CHN1: variants seen among roughly 807,000 people sequenced by gnomAD.
CHN1 encodes the protein N-chimaerin.
CHN1 carries 37 observed loss-of-function variants against 59.5 expected under a neutral mutation model. That is an observed-to-expected ratio of 0.62 (90% CI 0.48 to 0.82). The LOEUF is 0.82. CHN1 is among the 40% of genes least tolerant of loss of function. The pLI, the probability that CHN1 is intolerant of heterozygous loss-of-function variation, is 0.00. For missense variants in CHN1, 469 were observed against 571.0 expected, an observed-to-expected ratio of 0.82 and a Z score of 1.82; for synonymous variants, 206 against 200.4, an observed-to-expected ratio of 1.03 and a Z score of -0.24.
intron 7 of CHN1, among the ~76,000 whole-genome samples, chr2:174,825,969 A>G (rs1441162682): frequency 6.6e-6 from 1 of 152,262 alleles, no homozygotes; most frequent in Non-Finnish European, 1.5e-5. Flanking sequence ...ATAAGAATCA[A>G]TGAAACAGAA....
chr2:174,915,136 T>A lies in CHN1; in HGVS notation c.182A>T (p.Gln61Leu). Reference protein sequence around the residue: ...HGMISREAADQLLIVAEGSYL... With the variant: ...HGMISREAADLLLIVAEGSYL... ...GCTCCCCTCAGCCACAATCAAGAGC[T>A]GGTCGGCTGCTTCTCTGGAGATCAT... Residue 61 changes from glutamine (Q) to leucine (L), a missense_variant, in exon 5 of 13, where the codon CAG becomes CTG. Coordinates refer to ENST00000409900, the MANE Select transcript of CHN1 (RefSeq NM_001822.7). The A allele has an allele frequency of 1.2e-6, 2 of 1,611,956 alleles. No individual in the cohort carries two copies. The highest frequency in any genetic ancestry group is 1.1e-5 in the South Asian group (1 of 90,250).
intron 8 of CHN1, among the ~76,000 whole-genome samples, chr2:174,819,668 A>T (rs1004202834): frequency 1.1e-4 from 16 of 147,358 alleles, no homozygotes; most frequent in African/African-American, 3.8e-4. Context: ...TGATTTTTTT[A>T]TTATTATTAT....
At chr2:174,852,611 C>G (rs1322016660) in intron 6 of CHN1, among the ~76,000 whole-genome samples, 1 of 152,122 alleles carries the variant, frequency 6.6e-6, no homozygotes, top group Non-Finnish European at 1.5e-5. Context: ...AAAAAAGAGC[C>G]TGGCTAGACA....
chr2:174,883,855 G>T (rs1386077022), intron 5 of CHN1, among the ~76,000 whole-genome samples: 1 of 148,602 alleles, frequency 6.7e-6, no homozygotes, highest in Non-Finnish European at 1.5e-5. Context: ...TAGCATAAAT[G>T]AAAGTTTTTT....
chr2:174,956,026 CTAAAA>C (rs1221151178), intron 1 of CHN1, among the ~76,000 whole-genome samples: 6 of 152,010 alleles, frequency 3.9e-5, no homozygotes, highest in Non-Finnish European at 4.4e-5. Flanking sequence ...ATCCCCATAT[CTAAAA>C]TAAAAGTTGA....
chr2:174,890,737 T>C (rs954763481), intron 5 of CHN1, among the ~76,000 whole-genome samples: 6 of 152,000 alleles, frequency 3.9e-5, no homozygotes, highest in Non-Finnish European at 7.4e-5. Flanking sequence ...CTGAACCTAA[T>C]AGGCACATAC....
chr2:174,800,172 G>T lies in CHN1; in HGVS notation c.1324C>A (p.Arg442=). ...LDAMAALNDI[R]YQRLVVELLI... is the part of the protein sequence containing the mutation. The stretch of plus-strand genomic sequence containing the variant: ...AGCTCCACCACCAGTCTCTGATACC[G>T]TATATCATTCAATGCAGCCATGGCG... The change falls in exon 13 of 13, where the codon CGG becomes AGG. Residue 442 remains arginine (R), a synonymous_variant. Coordinates refer to ENST00000409900, the MANE Select transcript of CHN1 (RefSeq NM_001822.7). 1 of 1,542,496 alleles carries T rather than the reference G, an allele frequency of 6.5e-7. No individual in the cohort carries two copies. Among genetic ancestry groups the T allele is most frequent in the Non-Finnish European group, 8.7e-7 (1 of 1,149,878 alleles).
chr2:174,873,600 T>C (rs926509742), intron 6 of CHN1, among the ~76,000 whole-genome samples: 1 of 152,228 alleles, frequency 6.6e-6, no homozygotes, highest in African/African-American at 2.4e-5. Context: ...CCCCTTTTGC[T>C]ATTCCAGGGA....
chr2:174,923,357 G>T (rs904883885), intron 3 of CHN1, among the ~76,000 whole-genome samples: 20 of 152,056 alleles, frequency 1.3e-4, no homozygotes, highest in Middle Eastern at 3.2e-3. Flanking sequence ...AGCCAGGATG[G>T]TCTCCATCTC....
chr2:174,800,064 A>ATAAAACATTCCTTCATCTG lies in CHN1; in HGVS notation c.*33_*51dup, dbSNP rs1240043181. 6.8e-7 allele frequency: 1 copy of ATAAAACATTCCTTCATCTG among 1,477,854 alleles called. No individual in the cohort carries two copies. Among genetic ancestry groups the ATAAAACATTCCTTCATCTG allele is most frequent in the African/African-American group, 1.4e-5 (1 of 71,650 alleles). 91.5% of individuals were successfully genotyped at this position (1,477,854 alleles called of 1,614,324 possible). On this transcript the variant is annotated 3_prime_UTR_variant, in exon 13 of 13. Coordinates refer to ENST00000409900, the MANE Select transcript of CHN1 (RefSeq NM_001822.7). ...AGCTACAGGAGCAAATTAAATTACT[A>ATAAAACATTCCTTCATCTG]TAAAACATTCCTTCATCTGTAAAAC...
chr2:174,921,082 T>C (rs1689003866), intron 3 of CHN1: 3 of 383,854 alleles, frequency 7.8e-6, no homozygotes, highest in East Asian at 7.4e-5. Context: ...ATGTGGGCAA[T>C]GGGGAGCGGC....
intron 9 of CHN1, 34 bp downstream of exon 9, chr2:174,812,275 G>T: frequency 2.5e-6 from 4 of 1,575,856 alleles, no homozygotes; most frequent in Non-Finnish European, 3.5e-6. Flanking sequence ...GTAGTGAACG[G>T]AGACCACTGC....
intron 6 of CHN1, among the ~76,000 whole-genome samples, chr2:174,867,566 G>T (rs1687264011): frequency 6.6e-6 from 1 of 151,852 alleles, no homozygotes; most frequent in African/African-American, 2.4e-5. Flanking sequence ...TTTGTATTCT[G>T]GGTGTGAATG....
At chr2:174,881,370 G>A (rs1430894840) in intron 5 of CHN1, among the ~76,000 whole-genome samples, 1 of 152,060 alleles carries the variant, frequency 6.6e-6, no homozygotes, top group Non-Finnish European at 1.5e-5. Context: ...CTTAGGCTTT[G>A]GCATCAGACA....
At chr2:174,816,121 A>T (rs1230004760) in intron 8 of CHN1, among the ~76,000 whole-genome samples, 1 of 134,672 alleles carries the variant, frequency 7.4e-6, no homozygotes, top group East Asian at 2.1e-4. Flanking sequence ...CATAGATGAT[A>T]GAGTTCTCAC....
rs772250205 is a variant in CHN1 at position 174,878,019 on chromosome 2, G to C, written c.370C>G (p.Leu124Val). The change falls in exon 6 of 13, where the codon CTC (leucine) becomes GTC (valine). Residue 124 changes from leucine to valine, a missense_variant. Transcript: ENST00000409900. The stretch of plus-strand genomic sequence containing the variant: ...TCTGCTGCCTTGGTTTCAATATAGA[G>C]AGTAATCAAGCCATCAGTCACCAGA... Reference protein sequence around the residue: ...HDLVTDGLITLYIETKAAEYI... With the variant: ...HDLVTDGLITVYIETKAAEYI... 6.2e-7 allele frequency: 1 copy of C among 1,613,806 alleles called. No homozygotes were observed. The highest frequency in any genetic ancestry group is 1.1e-5 in the South Asian group (1 of 91,062).
At chr2:174,929,837 G>A (rs575451421) in intron 3 of CHN1, among the ~76,000 whole-genome samples, 17 of 152,196 alleles carry the variant, frequency 1.1e-4, no homozygotes, top group Non-Finnish European at 1.9e-4. Context: ...AATTGTCATC[G>A]TGATCTTCAG....
At chr2:174,900,094 A>T (rs1688341656) in intron 5 of CHN1, among the ~76,000 whole-genome samples, 2 of 152,234 alleles carry the variant, frequency 1.3e-5, no homozygotes, top group African/African-American at 4.8e-5. Flanking sequence ...AGAAAGTATT[A>T]AATACAATAC....
chr2:174,953,036 A>G (rs1305719984), intron 1 of CHN1, among the ~76,000 whole-genome samples: 1 of 152,138 alleles, frequency 6.6e-6, no homozygotes, highest in Non-Finnish European at 1.5e-5. Context: ...CTGCAAGACT[A>G]TATAGCCACG....
Sources: gnomAD v4.1 joint callset for allele counts (sites outside exome capture counted in the v4.1 genomes callset) on GRCh38, gnomAD v4.1.1 for gene constraint, MANE v1.5 for transcripts, NCBI Gene and HGNC (gene_info 2026-07-23, HGNC 2026-07-21) for gene names.